Variants in FHIT observed in about 807,000 individuals in gnomAD.
FHIT encodes the protein fragile histidine triad diadenosine triphosphatase.
FHIT carries 19 observed loss-of-function variants against 17.9 expected under a neutral mutation model. That is an observed-to-expected ratio of 1.06 (90% CI 0.74 to 1.56). The LOEUF (loss-of-function observed/expected upper bound fraction) is 1.56. FHIT is among the 40% of genes most tolerant of loss of function. The pLI is 0.00. For synonymous variants in FHIT, 81 were observed against 69.7 expected (o/e 1.16, Z -0.81); for missense variants, 248 against 189.2 (o/e 1.31, Z -1.82).
intron 5 of FHIT, among the ~76,000 whole-genome samples, chr3:60,308,924 C>T (rs1708810983): frequency 6.6e-6 from 1 of 152,086 alleles, no homozygotes; most frequent in South Asian, 2.1e-4. Context: ...TTATCCACAG[C>T]TGGGGCCACT....
chr3:60,366,155 A>G (rs554321425), intron 5 of FHIT, among the ~76,000 whole-genome samples: 2 of 152,302 alleles, frequency 1.3e-5, no homozygotes, highest in African/African-American at 4.8e-5. Context: ...AATTTTGGTA[A>G]AAGGAAAAAG....
At chr3:60,061,353 C>T (rs889543391) in intron 5 of FHIT, among the ~76,000 whole-genome samples, 2 of 152,202 alleles carry the variant, frequency 1.3e-5, no homozygotes, top group African/African-American at 4.8e-5. Context: ...TTAAAAAACT[C>T]CCTCCAGAAG....
intron 3 of FHIT, among the ~76,000 whole-genome samples, chr3:60,822,926 C>T (rs145052433): frequency 4.3e-4 from 66 of 152,294 alleles, no homozygotes; most frequent in Non-Finnish European, 7.1e-4. Context: ...ATGTACACTT[C>T]TTTGAAATAA....
In FHIT at chr3:60,362,561, G is replaced by A. The variant is rs141296966; in HGVS notation, c.103+174299C>T. On this transcript the variant is annotated intron_variant, in intron 5 of 9. Transcript: ENST00000492590. ...TTAGTTACCTCTTTATCCCATCACA[G>A]TGTCTGCCACTTAAGCATTCAGCAA... Among the ~76,000 whole-genome samples, 1,188 of 152,278 alleles carry A rather than the reference G, an allele frequency of 7.8e-3. 7 individuals carry two copies. The highest frequency in any genetic ancestry group is 0.013 in the Non-Finnish European group (898 of 68,032).
intron 8 of FHIT, among the ~76,000 whole-genome samples, chr3:59,822,449 G>A (rs1031866382): frequency 2.0e-5 from 3 of 151,896 alleles, no homozygotes; most frequent in African/African-American, 7.3e-5. Context: ...CAGCATCCAC[G>A]CCAACATCTA....
At chr3:60,165,719 T>C (rs1397763392) in intron 5 of FHIT, among the ~76,000 whole-genome samples, 1 of 152,154 alleles carries the variant, frequency 6.6e-6, no homozygotes, top group Non-Finnish European at 1.5e-5. Context: ...CTTTTCCCCT[T>C]ACTCTCTCAA....
At chr3:60,408,831 G>A (rs1213744997) in intron 5 of FHIT, among the ~76,000 whole-genome samples, 3 of 152,056 alleles carry the variant, frequency 2.0e-5, no homozygotes, top group African/African-American at 7.2e-5. Context: ...CATAATCAGG[G>A]AATAGACTTT....
chr3:60,507,658 C>T (rs538535186), intron 5 of FHIT, among the ~76,000 whole-genome samples: 23 of 152,086 alleles, frequency 1.5e-4, no homozygotes, highest in Non-Finnish European at 4.4e-5. Context: ...TTTCCTGATC[C>T]TCTCCCTCCT....
intron 3 of FHIT, among the ~76,000 whole-genome samples, chr3:61,025,463 T>C (rs2032683241): frequency 6.6e-6 from 1 of 152,196 alleles, no homozygotes. Flanking sequence ...GAATGAATTT[T>C]AGTTTGCTCT....
At chr3:61,141,030 G>C (rs1553852425) in intron 2 of FHIT, among the ~76,000 whole-genome samples, 3 of 152,176 alleles carry the variant, frequency 2.0e-5, no homozygotes, top group Non-Finnish European at 4.4e-5. Context: ...AATTGCCAAA[G>C]TTTCAAGTTT....
At chr3:60,766,953 G>A (rs1699875717) in intron 4 of FHIT, among the ~76,000 whole-genome samples, 1 of 152,154 alleles carries the variant, frequency 6.6e-6, no homozygotes, top group Admixed American at 6.5e-5. Context: ...TTTGGAATGT[G>A]GCATGCTCAA....
chr3:59,753,755 C>G (rs1056667315), intron 8 of FHIT, among the ~76,000 whole-genome samples: 3 of 152,102 alleles, frequency 2.0e-5, no homozygotes, highest in Admixed American at 2.0e-4. Context: ...CTACTTAACC[C>G]CATGTTACTG....
At chr3:61,230,098 T>C (rs755057069) in intron 1 of FHIT, among the ~76,000 whole-genome samples, 1 of 152,244 alleles carries the variant, frequency 6.6e-6, no homozygotes, top group Non-Finnish European at 1.5e-5. Context: ...TCTGATCATG[T>C]CTTAGTATTT....
intron 4 of FHIT, among the ~76,000 whole-genome samples, chr3:60,593,127 C>A (rs1035420210): frequency 6.6e-6 from 1 of 152,114 alleles, no homozygotes; most frequent in Non-Finnish European, 1.5e-5. Flanking sequence ...AGAGCCCACA[C>A]TTTCATTTTG....
chr3:59,757,759 A>G (rs967671780), intron 8 of FHIT, among the ~76,000 whole-genome samples: 7 of 152,324 alleles, frequency 4.6e-5, no homozygotes, highest in African/African-American at 1.7e-4. Context: ...ACAGAAGCAG[A>G]GAGCTTAAAT....
intron 8 of FHIT, among the ~76,000 whole-genome samples, chr3:59,800,697 T>A (rs1559617637): frequency 6.6e-6 from 1 of 152,134 alleles, no homozygotes; most frequent in Admixed American, 6.5e-5. Context: ...CAATCAATAC[T>A]CATTAACTCT....
At chr3:60,345,378 C>T (rs1710725111) in intron 5 of FHIT, among the ~76,000 whole-genome samples, 1 of 152,140 alleles carries the variant, frequency 6.6e-6, no homozygotes, top group Non-Finnish European at 1.5e-5. Flanking sequence ...ATCTCATAGC[C>T]AGGAATAAGC....
At chr3:61,137,735 C>T (rs1404149699) in intron 2 of FHIT, among the ~76,000 whole-genome samples, 3 of 152,210 alleles carry the variant, frequency 2.0e-5, no homozygotes, top group African/African-American at 7.2e-5. Context: ...AGATACTTCT[C>T]AGAGCCCAAG....
chr3:60,502,098 AGAG>A (rs1029043119), intron 5 of FHIT, among the ~76,000 whole-genome samples: 1 of 152,214 alleles, frequency 6.6e-6, no homozygotes, highest in African/African-American at 2.4e-5. Flanking sequence ...TGGATCCAGT[AGAG>A]GAGGCAGGAA....
Sources: allele counts gnomAD v4.1 joint callset (sites outside exome capture counted in the v4.1 genomes callset), GRCh38; gene constraint gnomAD v4.1.1; transcripts MANE v1.5; gene names NCBI Gene and HGNC (gene_info 2026-07-23, HGNC 2026-07-21).